Variants in SH3BP4 observed in about 807,000 individuals in gnomAD.
SH3BP4 encodes SH3 domain-binding protein 4.
SH3BP4 carries 33 observed loss-of-function variants against 65.5 expected under a neutral mutation model. That is an observed-to-expected ratio of 0.50 (90% CI 0.38 to 0.67). The LOEUF is 0.67. Ranked by LOEUF, SH3BP4 falls within the 30% of genes least tolerant of loss-of-function variation. SH3BP4 has a pLI of 0.00. For missense variants in SH3BP4, 1,134 were observed against 1,261.4 expected (o/e 0.90, Z 1.53); for synonymous variants, 552 against 545.5 (o/e 1.01, Z -0.17).
chr2:234,973,244 TCC>T (rs1294104111), intron 1 of SH3BP4, among the ~76,000 whole-genome samples: 2 of 152,162 alleles, frequency 1.3e-5, no homozygotes, highest in Admixed American at 6.5e-5. Flanking sequence ...CCACACACCA[TCC>T]ACCTGTGAGC....
rs1696160068 is a variant in SH3BP4, at chr2:235,054,311, C to T, written c.*495C>T. 1 of 155,894 alleles carries T rather than the reference C, an allele frequency of 6.4e-6. No homozygotes were observed. The highest frequency in any genetic ancestry group is 1.4e-5 in the Non-Finnish European group (1 of 70,108). 9.7% of individuals were successfully genotyped at this position (155,894 alleles called of 1,614,324 possible). On this transcript the variant is annotated 3_prime_UTR_variant, in exon 6 of 6. Coordinates refer to ENST00000392011, the MANE Select transcript of SH3BP4 (RefSeq NM_014521.3). The stretch of plus-strand genomic sequence containing the variant: ...GAAAGATGCTCGTTCGGTTGTTGGA[C>T]CTCTTTCACTCCCTGCGTGTAAGAA...
At chr2:235,043,396 C>T in intron 4 of SH3BP4, 149 bp downstream of exon 4, 1 of 556,702 alleles carries the variant, frequency 1.8e-6, no homozygotes, top group South Asian at 2.7e-5. Context: ...ATAGGTGCGG[C>T]TCAGCACAGC....
chr2:234,981,222 C>A (rs897379606), intron 1 of SH3BP4, among the ~76,000 whole-genome samples: 1 of 152,128 alleles, frequency 6.6e-6, no homozygotes, highest in Non-Finnish European at 1.5e-5. Context: ...CCTGTGTGTC[C>A]TGGTCTTTGG....
intron 1 of SH3BP4, among the ~76,000 whole-genome samples, chr2:234,955,421 A>C (rs758452281): frequency 6.6e-6 from 1 of 152,166 alleles, no homozygotes. Flanking sequence ...CAATCCAGCT[A>C]CTTGATTCAG....
rs750407543 is a variant in SH3BP4, at chr2:235,034,539, G to A, written c.-132-332G>A. Among the ~76,000 whole-genome samples, 37 of 152,228 alleles carry A rather than the reference G, an allele frequency of 2.4e-4. No homozygotes were observed. Among genetic ancestry groups the A allele is most frequent in the Admixed American group, 7.8e-4 (12 of 15,288 alleles). ...AGCATGAACTGTACAGTCCTGCGCT[G>A]TCCTCCTCTTTGACTGTAATGAATG... On this transcript the variant is annotated intron_variant, in intron 2 of 5. Transcript: ENST00000392011. The surrounding 1 kb of genome is among the most constrained non-coding windows in gnomAD (Gnocchi z 6.2).
intron 2 of SH3BP4, among the ~76,000 whole-genome samples, chr2:235,001,566 C>T (rs1694101104): frequency 6.6e-6 from 1 of 152,198 alleles, no homozygotes; most frequent in African/African-American, 2.4e-5. Context: ...ATACTCTTTG[C>T]TTGCTTACAG....
chr2:234,964,176 A>G (rs1373693260), intron 1 of SH3BP4, among the ~76,000 whole-genome samples: 1 of 152,142 alleles, frequency 6.6e-6, no homozygotes, highest in Non-Finnish European at 1.5e-5. Context: ...ACTGGCCAGC[A>G]TTCCCAGCAC....
In SH3BP4 at chr2:235,044,414, A is replaced by G. The variant is rs569520811; in HGVS notation, c.2478+1167A>G. On this transcript the variant is annotated intron_variant, in intron 4 of 5. Transcript: ENST00000392011. ...GCGGTTACCTTGGCTAGGCTTAGCC[A>G]TATCCGTGTCCTGGCATCCCCAGGG... Among the ~76,000 whole-genome samples the G allele has an allele frequency of 7.2e-5, 11 of 152,336 alleles. No homozygotes were observed. In the East Asian group the frequency reaches 2.1e-3, roughly 29 times the overall value.
rs985772719 is a variant in SH3BP4 at position 234,974,251 on chromosome 2, A to T, written c.-206-21052A>T. 6.6e-6 allele frequency among the ~76,000 whole-genome samples: 1 copy of T among 152,006 alleles called. No homozygotes were observed. The highest frequency in any genetic ancestry group is 6.6e-5 in the Admixed American group (1 of 15,246). Reference sequence around the variant, plus strand: ...ATGGTGGCGCACACCTGTAATCCCAACTACTCAGGAGGCTGAAGCAGGAGA... The same window carrying T: ...ATGGTGGCGCACACCTGTAATCCCATCTACTCAGGAGGCTGAAGCAGGAGA... On this transcript the variant is annotated intron_variant, in intron 1 of 5. Transcript: ENST00000392011. The surrounding 1 kb of genome is among the most constrained non-coding windows in gnomAD (Gnocchi z 4.6).
chr2:234,952,843 T>G lies in SH3BP4; in HGVS notation c.-207+673T>G, dbSNP rs945236733. ...CGGCTGGGATAGAGGCGCGTTGTTCTCTGAGCGATGTTTACCGAGAAGCCC... is the reference window on the plus strand; with the variant it reads ...CGGCTGGGATAGAGGCGCGTTGTTCGCTGAGCGATGTTTACCGAGAAGCCC... On this transcript the variant is annotated intron_variant, in intron 1 of 5. Transcript: ENST00000392011. This position sits in a 1 kb window ranked among gnomAD's most constrained non-coding sequence, Gnocchi z 6.5. 4 of 152,154 alleles carry G rather than the reference T, an allele frequency of 2.6e-5. No homozygotes were observed. Among genetic ancestry groups the G allele is most frequent in the Admixed American group, 6.5e-5 (1 of 15,286 alleles). 9.4% of individuals were successfully genotyped at this position (152,154 alleles called of 1,614,324 possible).
rs1381101802 is a variant in SH3BP4, at chr2:235,052,343, G to A, written c.2479-219G>A. Among the ~76,000 whole-genome samples, 1 of 152,130 alleles carries A rather than the reference G, an allele frequency of 6.6e-6. No individual in the cohort carries two copies. The highest frequency in any genetic ancestry group is 6.5e-5 in the Admixed American group (1 of 15,272). On this transcript the variant is annotated intron_variant, in intron 4 of 5. Transcript: ENST00000392011. This position sits in a 1 kb window ranked among gnomAD's most constrained non-coding sequence, Gnocchi z 5.0. ...AGGTTCTGGGTGGATGTGGGCTTTG[G>A]AGGGAGACACTGGTGAACCTGGCAC...
At chr2:235,012,020 G>A (rs755264221) in intron 2 of SH3BP4, among the ~76,000 whole-genome samples, 5 of 152,228 alleles carry the variant, frequency 3.3e-5, no homozygotes, top group Non-Finnish European at 7.3e-5. Context: ...ACAATAAAGT[G>A]ATTAGGTCCT....
chr2:235,029,504 G>A (rs1364874564), intron 2 of SH3BP4, among the ~76,000 whole-genome samples: 3 of 152,164 alleles, frequency 2.0e-5, no homozygotes, highest in African/African-American at 7.2e-5. Flanking sequence ...TTGAGTTGGT[G>A]GCTCCTTAGC....
intron 2 of SH3BP4, among the ~76,000 whole-genome samples, chr2:235,011,438 C>T (rs923670685): frequency 3.3e-5 from 5 of 152,288 alleles, no homozygotes; most frequent in East Asian, 1.9e-4. Flanking sequence ...ATCTTAACTT[C>T]GTCACATCTG....
intron 2 of SH3BP4, among the ~76,000 whole-genome samples, chr2:235,018,804 C>A (rs568142583): frequency 3.3e-5 from 5 of 152,094 alleles, no homozygotes; most frequent in Non-Finnish European, 7.4e-5. Flanking sequence ...AGTTTGTTCA[C>A]GGAGCTTACC....
intron 1 of SH3BP4, among the ~76,000 whole-genome samples, chr2:234,971,839 A>T (rs576020872): frequency 6.6e-6 from 1 of 150,576 alleles, no homozygotes; most frequent in East Asian, 1.9e-4. Context: ...TTTTTTTGAG[A>T]CGGAGTCTTG....
chr2:235,024,248 C>T (rs1235601933), intron 2 of SH3BP4, among the ~76,000 whole-genome samples: 7 of 152,228 alleles, frequency 4.6e-5, no homozygotes, highest in African/African-American at 1.7e-4. Flanking sequence ...AAACAATAAA[C>T]TAACGAGTGA....
Position 234,974,252 on chromosome 2 carries a change from C to A in SH3BP4, c.-206-21051C>A, listed in dbSNP as rs1252668433. On this transcript the variant is annotated intron_variant, in intron 1 of 5. Transcript: ENST00000392011. This position sits in a 1 kb window ranked among gnomAD's most constrained non-coding sequence, Gnocchi z 4.6. ...TGGTGGCGCACACCTGTAATCCCAA[C>A]TACTCAGGAGGCTGAAGCAGGAGAA... is the stretch of plus-strand genomic sequence containing the variant. Among the ~76,000 whole-genome samples the A allele has an allele frequency of 1.3e-5, 2 of 152,102 alleles. No individual in the cohort carries two copies. Among genetic ancestry groups the A allele is most frequent in the Non-Finnish European group, 2.9e-5 (2 of 68,034 alleles).
chr2:234,982,913 T>A (rs940579114), intron 1 of SH3BP4, among the ~76,000 whole-genome samples: 11 of 152,040 alleles, frequency 7.2e-5, no homozygotes, highest in Non-Finnish European at 1.6e-4. Flanking sequence ...CCGGGGATAA[T>A]ACAATGATGA....
Sources: allele counts gnomAD v4.1 joint callset (sites outside exome capture counted in the v4.1 genomes callset), GRCh38; gene constraint gnomAD v4.1.1; non-coding constraint Gnocchi (gnomAD v3.1); transcripts MANE v1.5; gene names NCBI Gene and HGNC (gene_info 2026-07-23, HGNC 2026-07-21).